UBE2Q2: variants seen among roughly 807,000 people sequenced by gnomAD.
The protein encoded by UBE2Q2 is ubiquitin-conjugating enzyme E2 Q2.
In UBE2Q2, 54 loss-of-function variants were observed where a neutral mutation model predicts 59.9. That is an observed-to-expected ratio of 0.90 (90% CI 0.72 to 1.13). The LOEUF is 1.13. Ranked by LOEUF, UBE2Q2 falls within the 50% of genes most tolerant of loss-of-function variation. UBE2Q2 has a pLI of 0.00. For synonymous variants in UBE2Q2, 165 were observed against 155.2 expected (o/e 1.06, Z -0.47); for missense variants, 433 against 441.9 (o/e 0.98, Z 0.18).
At chr15:75,889,964 C>T (rs1400412689) in intron 9 of UBE2Q2, among the ~76,000 whole-genome samples, 2 of 152,130 alleles carry the variant, frequency 1.3e-5, no homozygotes, top group African/African-American at 4.8e-5. Context: ...ATTCTCACAA[C>T]AGAATGGGTA....
intron 1 of UBE2Q2, among the ~76,000 whole-genome samples, chr15:75,846,579 A>G (rs1409732758): frequency 2.0e-5 from 3 of 152,212 alleles, no homozygotes; most frequent in Non-Finnish European, 4.4e-5. Context: ...GTTCATGTCG[A>G]TACCATTTGC....
chr15:75,877,208 CATTATGACCGATTCAGGA>C (rs1482580767), intron 6 of UBE2Q2, among the ~76,000 whole-genome samples: 4 of 141,516 alleles, frequency 2.8e-5, no homozygotes, highest in Non-Finnish European at 4.6e-5. Context: ...TCAATTCTAG[CATTATGACCGATTCAGGA>C]ATTCTTAGCG....
intron 5 of UBE2Q2, among the ~76,000 whole-genome samples, chr15:75,874,341 T>C (rs1223747670): frequency 6.6e-6 from 1 of 151,232 alleles, no homozygotes; most frequent in Non-Finnish European, 1.5e-5. Context: ...TGGAGTGTGG[T>C]GGCATGATCT....
chr15:75,844,118 AG>A, intron 1 of UBE2Q2: 30 of 1,413,380 alleles, frequency 2.1e-5, no homozygotes, highest in Non-Finnish European at 2.7e-5. Context: ...CCTAGCCCCG[AG>A]GGGGGAGTCC....
intron 1 of UBE2Q2, among the ~76,000 whole-genome samples, chr15:75,849,355 A>G (rs1567014062): frequency 6.6e-6 from 1 of 152,190 alleles, no homozygotes; most frequent in Non-Finnish European, 1.5e-5. Context: ...TTTGTGCATC[A>G]GTTTTAAAAA....
intron 6 of UBE2Q2, among the ~76,000 whole-genome samples, chr15:75,877,409 G>A (rs565538426): frequency 3.2e-4 from 49 of 151,244 alleles, no homozygotes; most frequent in African/African-American, 1.1e-3. Context: ...ACCTAATAAA[G>A]TACAAACATT....
At chr15:75,849,958 T>C (rs927079480) in intron 1 of UBE2Q2, among the ~76,000 whole-genome samples, 2 of 152,240 alleles carry the variant, frequency 1.3e-5, no homozygotes, top group Non-Finnish European at 2.9e-5. Context: ...GGCAAACTTA[T>C]CTTTTCAAGA....
At chr15:75,855,490 CA>C (rs35784581) in intron 2 of UBE2Q2, among the ~76,000 whole-genome samples, 1,601 of 124,138 alleles carry the variant, frequency 0.013, 8 homozygotes, top group Middle Eastern at 0.037. Context: ...TACTCCATCT[CA>C]AAAAAAAAAA....
chr15:75,866,389 A>T (rs1339591129), intron 3 of UBE2Q2, among the ~76,000 whole-genome samples: 2 of 151,984 alleles, frequency 1.3e-5, no homozygotes, highest in African/African-American at 2.4e-5. Flanking sequence ...ATGTTGCCCA[A>T]GCTGGTCTCA....
chr15:75,844,009 A>C, intron 1 of UBE2Q2, 163 bp downstream of exon 1: 1 of 1,409,656 alleles, frequency 7.1e-7, no homozygotes. Flanking sequence ...CCGGGCTGGG[A>C]CTGCGCGAGG....
chr15:75,891,060 A>G, intron 11 of UBE2Q2, 46 bp downstream of exon 11: 1 of 1,421,920 alleles, frequency 7.0e-7, no homozygotes, highest in Non-Finnish European at 9.9e-7. Context: ...TACATTTTAT[A>G]TTACTTTATA....
At chr15:75,860,470 A>G (rs1367639596) in intron 3 of UBE2Q2, among the ~76,000 whole-genome samples, 1 of 152,028 alleles carries the variant, frequency 6.6e-6, no homozygotes, top group East Asian at 1.9e-4. Context: ...ACTATAATAC[A>G]TGATAATTTA....
intron 3 of UBE2Q2, among the ~76,000 whole-genome samples, chr15:75,868,261 G>T (rs1438294098): frequency 2.0e-5 from 3 of 152,138 alleles, no homozygotes; most frequent in African/African-American, 7.2e-5. Flanking sequence ...GTGTCCTGGC[G>T]AGGGCTTACC....
At chr15:75,846,231 C>G (rs992450968) in intron 1 of UBE2Q2, among the ~76,000 whole-genome samples, 1 of 152,084 alleles carries the variant, frequency 6.6e-6, no homozygotes, top group Non-Finnish European at 1.5e-5. Context: ...GTAAAAGACT[C>G]TTTTATTTTT....
chr15:75,865,801 G>GT (rs1045734352), intron 3 of UBE2Q2, among the ~76,000 whole-genome samples: 2 of 139,102 alleles, frequency 1.4e-5, no homozygotes. Context: ...ATAATATCTG[G>GT]TTGTTTTTTT....
At chr15:75,857,425 T>C (rs1310362678) in intron 2 of UBE2Q2, among the ~76,000 whole-genome samples, 2 of 152,194 alleles carry the variant, frequency 1.3e-5, no homozygotes, top group Non-Finnish European at 2.9e-5. Context: ...TATATTTACA[T>C]GAAGGAGAAA....
chr15:75,859,622 ACTTC>A (rs1195942465), intron 2 of UBE2Q2, among the ~76,000 whole-genome samples: 1 of 152,150 alleles, frequency 6.6e-6, no homozygotes. Context: ...AATGTCTGGA[ACTTC>A]CTTCCTCTGC....
chr15:75,861,557 C>A (rs1897209871), intron 3 of UBE2Q2, among the ~76,000 whole-genome samples: 1 of 152,098 alleles, frequency 6.6e-6, no homozygotes. Flanking sequence ...TTCTCCTTTC[C>A]ATTTTATTTG....
chr15:75,876,368 A>G (rs954381938), intron 6 of UBE2Q2, 97 bp downstream of exon 6: 1 of 1,064,550 alleles, frequency 9.4e-7, no homozygotes, highest in African/African-American at 1.6e-5. Context: ...CAGAAATGGA[A>G]ATGTTTACTA....
Sources: allele counts gnomAD v4.1 joint callset (sites outside exome capture counted in the v4.1 genomes callset), GRCh38; gene constraint gnomAD v4.1.1; transcripts MANE v1.5; gene names NCBI Gene and HGNC (gene_info 2026-07-23, HGNC 2026-07-21).